IQSEC1: variants seen among roughly 807,000 people sequenced by gnomAD.
The protein encoded by IQSEC1 is IQ motif and Sec7 domain ArfGEF 1.
Under a neutral mutation model 91.0 loss-of-function variants are expected in IQSEC1, and 31 were observed. The observed-to-expected ratio is 0.34, with a 90% CI of 0.26 to 0.46. The LOEUF (loss-of-function observed/expected upper bound fraction) is 0.46. Ranked by LOEUF, IQSEC1 falls within the 20% of genes least tolerant of loss-of-function variation. The probability of loss-of-function intolerance (pLI) is 1.00; values close to 1 mark genes in which losing one functional copy is unlikely to be tolerated. For synonymous variants in IQSEC1, 699 were observed against 662.6 expected (o/e 1.05, Z -0.84); for missense variants, 1,388 against 1,575.6 (o/e 0.88, Z 2.02).
chr3:13,149,302 TG>T (rs1381136034), intron 2 of IQSEC1, among the ~76,000 whole-genome samples: 2 of 151,746 alleles, frequency 1.3e-5, no homozygotes, highest in African/African-American at 4.8e-5. Context: ...GGACAGAGCC[TG>T]GGTCCGCAGG....
At chr3:13,280,703 C>T (rs1695774385) in intron 1 of IQSEC1, among the ~76,000 whole-genome samples, 1 of 152,220 alleles carries the variant, frequency 6.6e-6, no homozygotes. Flanking sequence ...CAGCCCACCC[C>T]AGACCCACTG....
chr3:13,263,192 G>A lies in IQSEC1; in HGVS notation c.272+19519C>T, dbSNP rs1695418636. 2.0e-5 allele frequency among the ~76,000 whole-genome samples: 3 copies of A among 152,244 alleles called. No homozygotes were observed. The South Asian group carries it at 6.2e-4, about 32-fold the overall frequency. ...TTGAGCCTCGGAGGCAGAGGTTGCA[G>A]TGAGCCATATCACACCACCGCACTT... On this transcript the variant is annotated intron_variant, in intron 1 of 15. Coordinates refer to the IQSEC1 transcript ENST00000648114.
chr3:13,252,718 G>GT (rs1231603956), intron 1 of IQSEC1, among the ~76,000 whole-genome samples: 31 of 117,400 alleles, frequency 2.6e-4, no homozygotes, highest in Middle Eastern at 4.3e-3. Context: ...TATTATCTAT[G>GT]TTTTTTTTTG....
At chr3:13,097,103 G>C (rs529373491) in intron 2 of IQSEC1, among the ~76,000 whole-genome samples, 84 of 152,100 alleles carry the variant, frequency 5.5e-4, no homozygotes, top group Admixed American at 9.2e-4. Flanking sequence ...CTCGTGATCC[G>C]CCCACCTCGG....
At chr3:13,179,851 G>A (rs1007247117) in intron 1 of IQSEC1, among the ~76,000 whole-genome samples, 24 of 152,220 alleles carry the variant, frequency 1.6e-4, no homozygotes, top group African/African-American at 5.1e-4. Context: ...CACTCAGAAC[G>A]GCTGGCTGGC....
intron 2 of IQSEC1, among the ~76,000 whole-genome samples, chr3:13,154,330 G>T (rs183216054): frequency 2.0e-5 from 3 of 149,950 alleles, no homozygotes; most frequent in Admixed American, 6.7e-5. Context: ...TCTTCCTCAG[G>T]CTCCTTAGGA....
chr3:13,123,737 G>C (rs1016477747), intron 2 of IQSEC1, among the ~76,000 whole-genome samples: 5 of 152,222 alleles, frequency 3.3e-5, no homozygotes, highest in Non-Finnish European at 7.3e-5. Context: ...ACACTGCAAG[G>C]TGGGAAAGGA....
At chr3:13,175,957 G>A (rs1415743456) in intron 1 of IQSEC1, among the ~76,000 whole-genome samples, 1 of 152,230 alleles carries the variant, frequency 6.6e-6, no homozygotes, top group South Asian at 2.1e-4. Flanking sequence ...ATTTACGAAT[G>A]CTGGGGGCAC....
intron 1 of IQSEC1, among the ~76,000 whole-genome samples, chr3:13,279,996 T>C (rs1251744661): frequency 6.6e-6 from 1 of 152,190 alleles, no homozygotes; most frequent in African/African-American, 2.4e-5. Context: ...AGGTGGACAA[T>C]GGAAGAATCT....
At chr3:13,228,124 T>C (rs1694787847) in intron 1 of IQSEC1, among the ~76,000 whole-genome samples, 1 of 152,154 alleles carries the variant, frequency 6.6e-6, no homozygotes, top group African/African-American at 2.4e-5. Flanking sequence ...GTAAATGCAC[T>C]GAAAAGTCCA....
At chr3:13,177,483 C>G (rs1025459209) in intron 1 of IQSEC1, among the ~76,000 whole-genome samples, 1 of 152,262 alleles carries the variant, frequency 6.6e-6, no homozygotes, top group Admixed American at 6.5e-5. Context: ...TGAACCTCAT[C>G]TCCTTTGTGA....
At chr3:13,046,323 T>C (rs1704492435) in intron 1 of IQSEC1, among the ~76,000 whole-genome samples, 1 of 152,244 alleles carries the variant, frequency 6.6e-6, no homozygotes, top group African/African-American at 2.4e-5. Context: ...GTCGCTCATG[T>C]GTGTACACGT....
intron 1 of IQSEC1, among the ~76,000 whole-genome samples, chr3:12,998,627 A>AT (rs869185622): frequency 6.6e-6 from 1 of 152,028 alleles, no homozygotes; most frequent in Non-Finnish European, 1.5e-5. Flanking sequence ...TCTTAAAAAA[A>AT]TTTTTTTTAA....
chr3:13,232,675 C>T (rs1290966881), intron 1 of IQSEC1, among the ~76,000 whole-genome samples: 1 of 152,168 alleles, frequency 6.6e-6, no homozygotes, highest in African/African-American at 2.4e-5. Context: ...ATGGGCTACA[C>T]AGACTTGGAG....
intron 2 of IQSEC1, among the ~76,000 whole-genome samples, chr3:13,109,368 G>A (rs1309148456): frequency 2.0e-5 from 3 of 152,172 alleles, no homozygotes; most frequent in African/African-American, 4.8e-5. Flanking sequence ...GGTGGTGAGT[G>A]TGTGGATAGA....
At chr3:12,998,325 TG>T (rs1178368560) in intron 1 of IQSEC1, among the ~76,000 whole-genome samples, 1 of 152,080 alleles carries the variant, frequency 6.6e-6, no homozygotes, top group African/African-American at 2.4e-5. Flanking sequence ...CACTCCAGCC[TG>T]GGTGACAGAG....
At chr3:13,233,299 C>T (rs1694867080) in intron 1 of IQSEC1, among the ~76,000 whole-genome samples, 1 of 151,952 alleles carries the variant, frequency 6.6e-6, no homozygotes, top group Non-Finnish European at 1.5e-5. Flanking sequence ...GTTCTGGGAA[C>T]ACACTTTGAG....
In IQSEC1 at chr3:13,203,164, TACACACAC is replaced by T. The variant is rs10533324; in HGVS notation, c.273-39039_273-39032del. Among the ~76,000 whole-genome samples, 156 of 148,116 alleles carry T rather than the reference TACACACAC, an allele frequency of 1.1e-3. 4 individuals are homozygous for T. In the East Asian group the frequency reaches 0.024, roughly 23 times the overall value. ...GCTCATTCGGTTCCATTACCACTAC[TACACACAC>T]ACACACACACACACACACACACTCT... On this transcript the variant is annotated intron_variant, in intron 1 of 15. Coordinates refer to the IQSEC1 transcript ENST00000648114.
At chr3:13,119,616 G>A (rs1476970203) in intron 2 of IQSEC1, among the ~76,000 whole-genome samples, 1 of 152,228 alleles carries the variant, frequency 6.6e-6, no homozygotes, top group African/African-American at 2.4e-5. Context: ...AATCTTTCAT[G>A]CACTCACAAA....
Sources: gnomAD v4.1 joint callset for allele counts (sites outside exome capture counted in the v4.1 genomes callset) on GRCh38, gnomAD v4.1.1 for gene constraint, MANE v1.5 for transcripts, NCBI Gene and HGNC (gene_info 2026-07-23, HGNC 2026-07-21) for gene names.